ZBTB14: variants seen among roughly 807,000 people sequenced by gnomAD.
The protein encoded by ZBTB14 is zinc finger and BTB domain containing 14, also known as zinc finger and BTB domain-containing protein 14.
ZBTB14 carries 8 observed loss-of-function variants against 29.5 expected under a neutral mutation model. The ratio of observed to expected loss-of-function variants is 0.27; its 90% CI spans 0.16 to 0.49. The LOEUF is 0.49. Ranked by LOEUF, ZBTB14 falls within the 20% of genes least tolerant of loss-of-function variation. The pLI is 0.99. For missense variants in ZBTB14, 333 were observed against 563.8 expected (o/e 0.59, Z 4.15); for synonymous variants, 226 against 207.2 (o/e 1.09, Z -0.78).
At chr18:5,296,166 GC>G (rs1245859394), upstream of ZBTB14, 1 of 151,410 alleles carries the variant, frequency 6.6e-6, no homozygotes, top group Non-Finnish European at 1.5e-5. Context: ...GTTAATCCGG[GC>G]CCTTGCCGAC....
upstream of ZBTB14, chr18:5,296,082 G>C (rs939634396): frequency 2.0e-5 from 3 of 151,762 alleles, no homozygotes; most frequent in Admixed American, 1.3e-4. Context: ...GGTGCGGGCT[G>C]GGGGGAAGGC....
At position 5,290,691 on chromosome 18, in the gene ZBTB14, C is replaced by T; in HGVS notation, c.*167G>A. 9.5e-7 allele frequency: 1 copy of T among 1,052,260 alleles called. No homozygotes were observed. Among genetic ancestry groups the T allele is most frequent in the Admixed American group, 2.9e-5 (1 of 34,398 alleles). 65.2% of individuals were successfully genotyped at this position (1,052,260 alleles called of 1,614,324 possible). On this transcript the variant is annotated 3_prime_UTR_variant, in exon 4 of 4. Coordinates refer to ENST00000651870, the MANE Select transcript of ZBTB14 (RefSeq NM_001243702.2). ...CGGTTTGGTCAGAACTGAGGAACAC[C>T]ATTTCCTTGAAAAGTCTTAAAAATA...
In ZBTB14 at chr18:5,290,358, TTTTTA is replaced by T. The variant is rs2071783205; in HGVS notation, c.*495_*499del. On this transcript the variant is annotated 3_prime_UTR_variant, in exon 4 of 4. Transcript: ENST00000651870. ...ACGCCATTCTGCATTTCCAGAACTT[TTTTTA>T]TATTTGTGCAGTGTTCTTGGTCAAC... 4.6e-5 allele frequency: 7 copies of T among 152,854 alleles called. 1 individual carries two copies. In the South Asian group the frequency reaches 1.4e-3, roughly 32 times the overall value. The allele number at this position is 152,854 out of a possible 1,614,324, so 9.5% of individuals were successfully genotyped here. A position where few individuals can be genotyped will look rare whatever the true frequency, so the allele number is the denominator to read the frequency against.
rs989440240 is a variant in ZBTB14, at chr18:5,289,734, T to C, written c.*1124A>G. 1 of 152,648 alleles carries C rather than the reference T, an allele frequency of 6.6e-6. No homozygotes were observed. Among genetic ancestry groups the C allele is most frequent in the East Asian group, 1.9e-4 (1 of 5,200 alleles). 9.5% of individuals were successfully genotyped at this position (152,648 alleles called of 1,614,324 possible). The stretch of plus-strand genomic sequence containing the variant: ...GTCTGATGTTTGTTGCTGATGGAAG[T>C]TATTTTAATCCAATGTGCAAAAAAA... On this transcript the variant is annotated 3_prime_UTR_variant, in exon 4 of 4. Transcript: ENST00000651870.
chr18:5,290,196 G>A lies in ZBTB14; in HGVS notation c.*662C>T, dbSNP rs1173474697. The A allele has an allele frequency of 6.6e-6, 1 of 152,188 alleles. No individual in the cohort carries two copies. The highest frequency in any genetic ancestry group is 2.4e-5 in the African/African-American group (1 of 41,424). The allele number at this position is 152,188 out of a possible 1,614,324, so 9.4% of individuals were successfully genotyped here. ...TCCCGGTGGGTTTGCTTGGCCTTTA[G>A]GATGTGTGACTACAGCTTTTGGGTA... On this transcript the variant is annotated 3_prime_UTR_variant, in exon 4 of 4. Coordinates refer to ENST00000651870, the MANE Select transcript of ZBTB14 (RefSeq NM_001243702.2).
intron 1 of ZBTB14, among the ~76,000 whole-genome samples, chr18:5,295,377 G>A (rs1196457711): frequency 4.2e-5 from 6 of 143,524 alleles, no homozygotes; most frequent in African/African-American, 1.5e-4. Flanking sequence ...TCCTCCGCCG[G>A]CGGCTGTAGG....
At chr18:5,294,460 GTGT>G (rs901131373) in intron 1 of ZBTB14, among the ~76,000 whole-genome samples, 13 of 152,270 alleles carry the variant, frequency 8.5e-5, no homozygotes, top group Admixed American at 5.2e-4. Context: ...ACATATCAAT[GTGT>G]TGTTGTTGTT....
Position 5,293,241 on chromosome 18 carries a change from T to C in ZBTB14, c.3+3A>G. On this transcript the variant is annotated splice_donor_region_variant and intron_variant, in intron 3 of 3. Transcript: ENST00000651870. ...AAGATTTAATATCCAAAGTTATAGT[T>C]ACCATGAACAACTCAGGCTATTATC... 6.2e-7 allele frequency: 1 copy of C among 1,613,284 alleles called. No individual in the cohort carries two copies. Among genetic ancestry groups the C allele is most frequent in the Non-Finnish European group, 8.5e-7 (1 of 1,179,712 alleles).
At chr18:5,296,555 C>T (rs1317245579), upstream of ZBTB14, among the ~76,000 whole-genome samples, 1 of 151,954 alleles carries the variant, frequency 6.6e-6, no homozygotes, top group Non-Finnish European at 1.5e-5. Flanking sequence ...CTTTCGCCCT[C>T]CGCGCACACC....
In ZBTB14 at chr18:5,291,095, T is replaced by C. The variant is rs1401911243; in HGVS notation, c.1113A>G (p.Lys371=). The C allele has an allele frequency of 1.9e-6, 3 of 1,614,152 alleles. No homozygotes were observed. The highest frequency in any genetic ancestry group is 2.7e-5 in the African/African-American group (2 of 74,954). ...FACHMCDKAF[K]HKSHLKDHER... ...CATGATCCTTGAGGTGAGACTTGTGTTTGAAGGCTTTGTCACACATGTGGC... is the reference window on the plus strand; with the variant it reads ...CATGATCCTTGAGGTGAGACTTGTGCTTGAAGGCTTTGTCACACATGTGGC... The change falls in exon 4 of 4, where the codon AAA becomes AAG. Residue 371 remains lysine (K), a synonymous_variant. Coordinates refer to ENST00000651870, the MANE Select transcript of ZBTB14 (RefSeq NM_001243702.2). This position sits in a 1 kb window ranked among gnomAD's most constrained non-coding sequence, Gnocchi z 5.8.
At chr18:5,296,694 A>G (rs1310309145), upstream of ZBTB14, among the ~76,000 whole-genome samples, 1 of 151,862 alleles carries the variant, frequency 6.6e-6, no homozygotes, top group African/African-American at 2.4e-5. Context: ...GACGTCTTCG[A>G]TTTGTAGTGT....
At chr18:5,295,278 C>T (rs1310028457) in intron 1 of ZBTB14, among the ~76,000 whole-genome samples, 2 of 144,992 alleles carry the variant, frequency 1.4e-5, no homozygotes, top group African/African-American at 4.9e-5. Context: ...CCCCCGCCCT[C>T]CCGCGGCCGG....
chr18:5,296,651 A>G (rs556408725), upstream of ZBTB14, among the ~76,000 whole-genome samples: 266 of 152,096 alleles, frequency 1.7e-3, no homozygotes, highest in African/African-American at 6.2e-3. Context: ...TGGACGGTGC[A>G]CAATAAACAC....
At chr18:5,295,763 C>T (rs982903019), upstream of ZBTB14, 1 of 152,026 alleles carries the variant, frequency 6.6e-6, no homozygotes, top group African/African-American at 2.4e-5. Flanking sequence ...CGCCCCCGCG[C>T]CCGCCTTGCG....
rs1220951263 is a variant in ZBTB14, at chr18:5,291,716, C to G, written c.492G>C (p.Glu164Asp). Residue 164 changes from glutamate to aspartate, a missense_variant, in exon 4 of 4, where the codon GAG (glutamate) becomes GAC (aspartate). Coordinates refer to ENST00000651870, the MANE Select transcript of ZBTB14 (RefSeq NM_001243702.2). This position sits in a 1 kb window ranked among gnomAD's most constrained non-coding sequence, Gnocchi z 5.8. Reference sequence around the variant, plus strand: ...GACTGTCATCCTGATCCCCGATTTCCTCTACATCATCATCCTGGGTGTCAG... The same window carrying G: ...GACTGTCATCCTGATCCCCGATTTCGTCTACATCATCATCCTGGGTGTCAG... ...DAADTQDDDV[E>D]EIGDQDDSPS... is the part of the protein sequence containing the mutation. 6.2e-7 allele frequency: 1 copy of G among 1,614,016 alleles called. No homozygotes were observed. The highest frequency in any genetic ancestry group is 8.5e-7 in the Non-Finnish European group (1 of 1,180,010).
chr18:5,293,931 G>A (rs993356291), intron 2 of ZBTB14, 41 bp downstream of exon 2: 2 of 152,108 alleles, frequency 1.3e-5, no homozygotes, highest in African/African-American at 2.4e-5. Context: ...CTACAATAAG[G>A]GTGAAAGAAT....
chr18:5,291,350 AAACGTCTTCCCACAC>A lies in ZBTB14; in HGVS notation c.843_857del (p.Cys282_Phe286del). On this transcript the variant is annotated inframe_deletion, in exon 4 of 4. Transcript: ENST00000651870. The surrounding 1 kb of genome is among the most constrained non-coding windows in gnomAD (Gnocchi z 5.8). ...GCTTCCTCAATCTGCCTTCATCAGAAAACGTCTTCCCACACGCCTGGCAGGCAATCTGCTCCCGAT... is the reference window on the plus strand; with the variant it reads ...GCTTCCTCAATCTGCCTTCATCAGAAGCCTGGCAGGCAATCTGCTCCCGAT... 6.2e-7 allele frequency: 1 copy of A among 1,614,258 alleles called. No homozygotes were observed. Among genetic ancestry groups the A allele is most frequent in the Non-Finnish European group, 8.5e-7 (1 of 1,180,054 alleles).
upstream of ZBTB14, among the ~76,000 whole-genome samples, chr18:5,296,646 G>C (rs539272147): frequency 9.5e-4 from 145 of 152,124 alleles, no homozygotes; most frequent in African/African-American, 3.2e-3. Context: ...GGGAGTGGAC[G>C]GTGCACAATA....
Position 5,290,381 on chromosome 18 carries a change from T to C in ZBTB14, c.*477A>G. The C allele has an allele frequency of 6.5e-6, 1 of 153,652 alleles. No individual in the cohort carries two copies. The highest frequency in any genetic ancestry group is 1.9e-4 in the East Asian group (1 of 5,228). The allele number at this position is 153,652 out of a possible 1,614,324, so 9.5% of individuals were successfully genotyped here. A position where few individuals can be genotyped will look rare whatever the true frequency, so the allele number is the denominator to read the frequency against. ...TTTTTTTATATTTGTGCAGTGTTCT[T>C]GGTCAACCACTCACCAATTTTCTGC... On this transcript the variant is annotated 3_prime_UTR_variant, in exon 4 of 4. Transcript: ENST00000651870.
Sources: gnomAD v4.1 joint callset for allele counts (sites outside exome capture counted in the v4.1 genomes callset) on GRCh38, gnomAD v4.1.1 for gene constraint, Gnocchi (gnomAD v3.1) non-coding constraint, MANE v1.5 for transcripts, NCBI Gene and HGNC (gene_info 2026-07-23, HGNC 2026-07-21) for gene names.